ACBD6: variants seen among roughly 807,000 people sequenced by gnomAD.
ACBD6 encodes the protein acyl-CoA-binding domain-containing protein 6.
A neutral mutation model predicts 37.2 loss-of-function variants in ACBD6; 28 were observed. That is an observed-to-expected ratio of 0.75 (90% CI 0.56 to 1.03). The LOEUF is 1.03. ACBD6 is among the 50% of genes least tolerant of loss of function. The probability of loss-of-function intolerance (pLI) is 0.00; values close to 1 mark genes in which losing one functional copy is unlikely to be tolerated. For synonymous variants in ACBD6, 113 were observed against 126.8 expected, an observed-to-expected ratio of 0.89 and a Z score of 0.73; for missense variants, 340 against 337.4, an observed-to-expected ratio of 1.01 and a Z score of -0.06.
At chr1:180,345,668 A>T (rs569400156) in intron 6 of ACBD6, among the ~76,000 whole-genome samples, 7 of 152,326 alleles carry the variant, frequency 4.6e-5, no homozygotes, top group Non-Finnish European at 1.0e-4. Context: ...ATGGTCATAA[A>T]ACATTTATAA....
intron 5 of ACBD6, among the ~76,000 whole-genome samples, chr1:180,413,007 T>A (rs1571474910): frequency 1.3e-5 from 2 of 152,238 alleles, no homozygotes; most frequent in Admixed American, 1.3e-4. Context: ...AAGAACAATA[T>A]ACCTAGCTGT....
At chr1:180,434,663 C>T (rs1275653108) in intron 3 of ACBD6, 6 of 389,032 alleles carry the variant, frequency 1.5e-5, no homozygotes, top group Non-Finnish European at 2.4e-5. Context: ...TTTGAATCTA[C>T]CTATGATAAG....
intron 6 of ACBD6, among the ~76,000 whole-genome samples, chr1:180,383,716 A>C (rs1297272613): frequency 6.6e-6 from 1 of 152,200 alleles, no homozygotes; most frequent in African/African-American, 2.4e-5. Context: ...TAGCTAAAGC[A>C]ATCCTGAGCA....
At position 180,502,378 on chromosome 1, in the gene ACBD6, C is replaced by A. The variant is rs545239357; in HGVS notation, c.-112G>T. The A allele has an allele frequency of 1.1e-3, 1,354 of 1,206,438 alleles. 1 individual carries two copies. Among genetic ancestry groups the A allele is most frequent in the Non-Finnish European group, 1.2e-3 (996 of 834,500 alleles). 74.7% of individuals were successfully genotyped at this position (1,206,438 alleles called of 1,614,324 possible). A position where few individuals can be genotyped will look rare whatever the true frequency, so the allele number is the denominator to read the frequency against. Reference sequence around the variant, plus strand: ...CTGGGTCGCGAGCCTGAGCTCCAGTCGGACCCAAGCTCAGTCGCGGCGCGC... The same window carrying A: ...CTGGGTCGCGAGCCTGAGCTCCAGTAGGACCCAAGCTCAGTCGCGGCGCGC... On this transcript the variant is annotated 5_prime_UTR_variant, in exon 1 of 8. Coordinates refer to ENST00000367595, the MANE Select transcript of ACBD6 (RefSeq NM_032360.4).
chr1:180,290,018 T>C (rs1372410024), intron 7 of ACBD6, among the ~76,000 whole-genome samples: 1 of 152,098 alleles, frequency 6.6e-6, no homozygotes, highest in African/African-American at 2.4e-5. Context: ...TCAAAGATAT[T>C]GGTGATGTTC....
At chr1:180,373,676 G>A (rs1412711590) in intron 6 of ACBD6, among the ~76,000 whole-genome samples, 3 of 151,882 alleles carry the variant, frequency 2.0e-5, no homozygotes, top group Non-Finnish European at 4.4e-5. Context: ...TATACTATAT[G>A]GTCCTAATTT....
chr1:180,360,094 C>T (rs1259723913), intron 6 of ACBD6, among the ~76,000 whole-genome samples: 1 of 152,116 alleles, frequency 6.6e-6, no homozygotes, highest in African/African-American at 2.4e-5. Flanking sequence ...ATATAAACAA[C>T]AGCTTTATTA....
rs1163188603 is a variant in ACBD6, at chr1:180,272,108, T to C, written c.*1254-137A>G. 24 of 1,057,902 alleles carry C rather than the reference T, an allele frequency of 2.3e-5. No individual in the cohort carries two copies. In the Admixed American group the frequency reaches 6.5e-4, roughly 29 times the overall value. 65.5% of individuals were successfully genotyped at this position (1,057,902 alleles called of 1,614,324 possible). A position where few individuals can be genotyped will look rare whatever the true frequency, so the allele number is the denominator to read the frequency against. On this transcript the variant is annotated intron_variant, in intron 13 of 13. Transcript: ENST00000642319. Reference sequence around the variant, plus strand: ...GGATCTTTCTTGAGGCCTTGGCAACTCCCTCCTGAACACAGGCTTTTCCTT... The same window carrying C: ...GGATCTTTCTTGAGGCCTTGGCAACCCCCTCCTGAACACAGGCTTTTCCTT...
At chr1:180,433,215 T>C (rs1031609432) in intron 3 of ACBD6, among the ~76,000 whole-genome samples, 3 of 152,182 alleles carry the variant, frequency 2.0e-5, no homozygotes, top group Non-Finnish European at 2.9e-5. Context: ...GATTTATTCC[T>C]GGAATGTAAA....
intron 6 of ACBD6, among the ~76,000 whole-genome samples, chr1:180,331,043 T>C (rs749687529): frequency 2.0e-5 from 3 of 152,184 alleles, no homozygotes; most frequent in Non-Finnish European, 1.5e-5. Flanking sequence ...GTTTCTTCTC[T>C]CCAGGAGATA....
At chr1:180,337,814 T>C (rs1313434084) in intron 6 of ACBD6, among the ~76,000 whole-genome samples, 2 of 152,132 alleles carry the variant, frequency 1.3e-5, no homozygotes, top group Non-Finnish European at 2.9e-5. Flanking sequence ...AGTCTCAGGG[T>C]ACAAAATCAA....
At chr1:180,288,203 G>A (rs1306303500), downstream of ACBD6, 6 of 956,788 alleles carry the variant, frequency 6.3e-6, no homozygotes, top group Non-Finnish European at 9.5e-6. Context: ...ATGTATGCAA[G>A]AAGAATGAAT....
chr1:180,380,481 T>C (rs1051974033), intron 6 of ACBD6, among the ~76,000 whole-genome samples: 6 of 152,076 alleles, frequency 3.9e-5, no homozygotes, highest in African/African-American at 1.4e-4. Context: ...CAATTATCCT[T>C]TGGAAATGAA....
chr1:180,449,410 CTTTTTTTTT>C (rs34597184), intron 3 of ACBD6, among the ~76,000 whole-genome samples: 154 of 137,978 alleles, frequency 1.1e-3, no homozygotes, highest in African/African-American at 4.1e-3. Flanking sequence ...ACAACTCGCA[CTTTTTTTTT>C]TTTTTTTTGA....
intron 1 of ACBD6, among the ~76,000 whole-genome samples, chr1:180,498,846 A>G (rs1331582260): frequency 6.6e-6 from 1 of 150,740 alleles, no homozygotes; most frequent in Non-Finnish European, 1.5e-5. Context: ...TGACAGAGCA[A>G]AACTGTCTCA....
At position 180,430,259 on chromosome 1, in the gene ACBD6, G is replaced by T. The variant is rs771460498; in HGVS notation, c.388C>A (p.Pro130Thr). 6 of 1,612,376 alleles carry T rather than the reference G, an allele frequency of 3.7e-6. No homozygotes were observed. The highest frequency in any genetic ancestry group is 2.2e-5 in the East Asian group (1 of 44,790). Residue 130 changes from proline to threonine, a missense_variant, in exon 4 of 8, where the codon CCA becomes ACA. Pro to Thr is a conservative substitution (Grantham distance 38). Transcript: ENST00000367595. ...KLDPGWNPQIPEKKGKEANTG... is the reference protein window; with the variant it reads ...KLDPGWNPQITEKKGKEANTG... The stretch of plus-strand genomic sequence containing the variant: ...TTTGCTTCTTTTCCTTTCTTCTCTG[G>T]TATCTGTGGGAAGGAGAAAAAAAAG...
intron 3 of ACBD6, among the ~76,000 whole-genome samples, chr1:180,476,890 T>C (rs1557886744): frequency 6.6e-6 from 1 of 152,096 alleles, no homozygotes; most frequent in East Asian, 1.9e-4. Flanking sequence ...CACAAGTACA[T>C]GGATGGAAGA....
chr1:180,491,577 G>A (rs1651503971), intron 3 of ACBD6, among the ~76,000 whole-genome samples: 1 of 151,972 alleles, frequency 6.6e-6, no homozygotes, highest in Non-Finnish European at 1.5e-5. Context: ...ACTACATAAT[G>A]GCAGAAATCA....
At chr1:180,482,914 C>T (rs907920365) in intron 3 of ACBD6, among the ~76,000 whole-genome samples, 2 of 152,088 alleles carry the variant, frequency 1.3e-5, no homozygotes, top group Non-Finnish European at 2.9e-5. Flanking sequence ...TATACTCTTC[C>T]ACACTGTTTG....
Sources: allele counts gnomAD v4.1 joint callset (sites outside exome capture counted in the v4.1 genomes callset), GRCh38; gene constraint gnomAD v4.1.1; transcripts MANE v1.5; gene names NCBI Gene and HGNC (gene_info 2026-07-23, HGNC 2026-07-21).